The following VPS37B variants were observed in gnomAD, a reference collection of about 807,000 sequenced individuals.
The protein encoded by VPS37B is vacuolar protein sorting-associated protein 37B.
VPS37B carries 11 observed loss-of-function variants against 21.2 expected under a neutral mutation model. The ratio of observed to expected loss-of-function variants is 0.52; its 90% confidence interval spans 0.33 to 0.86. VPS37B has a LOEUF of 0.86. VPS37B is among the 40% of genes least tolerant of loss of function. The pLI is 0.03. For synonymous variants in VPS37B, 175 were observed against 159.6 expected (o/e 1.10, Z -0.73); for missense variants, 389 against 374.8 (o/e 1.04, Z -0.31).
At position 122,867,494 on chromosome 12, in the gene VPS37B, C is replaced by G; in HGVS notation, c.480G>C (p.Gln160His). ...HMRRVKIEKL[Q>H]EMVLKGQRLP... ...GTCTCTGCCCCTTTAGGACCATCTC[C>G]TGGAGCTTCTCGATTTTCACCCGTC... The change falls in exon 4 of 4, where the codon CAG (glutamine) becomes CAC (histidine). Residue 160 changes from glutamine (Q) to histidine (H), a missense_variant. Coordinates refer to ENST00000267202, the MANE Select transcript of VPS37B (RefSeq NM_024667.3). This position sits in a 1 kb window ranked among gnomAD's most constrained non-coding sequence, Gnocchi z 5.5. The G allele has an allele frequency of 6.2e-7, 1 of 1,614,080 alleles. No individual in the cohort carries two copies. Among genetic ancestry groups the G allele is most frequent in the Admixed American group, 1.7e-5 (1 of 60,030 alleles).
chr12:122,877,903 CTTGT>C (rs923268776), intron 1 of VPS37B: 1 of 151,672 alleles, frequency 6.6e-6, no homozygotes, highest in African/African-American at 2.4e-5. Flanking sequence ...TTCTTCTGTG[CTTGT>C]TTGTTCATCT....
chr12:122,895,531 C>T (rs1252441155), intron 1 of VPS37B, among the ~76,000 whole-genome samples: 1 of 151,918 alleles, frequency 6.6e-6, no homozygotes, highest in African/African-American at 2.4e-5. Flanking sequence ...CAGTTCCGTC[C>T]TCTTCCGCCT....
intron 1 of VPS37B, among the ~76,000 whole-genome samples, chr12:122,893,560 A>G (rs372445240): frequency 1.1e-4 from 16 of 152,310 alleles, no homozygotes; most frequent in African/African-American, 3.4e-4. Flanking sequence ...TGAAACTACC[A>G]TGACCAAAAA....
At chr12:122,881,207 T>C (rs555115347) in intron 1 of VPS37B, 1 of 152,338 alleles carries the variant, frequency 6.6e-6, no homozygotes, top group Admixed American at 6.5e-5. Flanking sequence ...TTCTATCCTC[T>C]GTGACAGTGA....
Position 122,867,626 on chromosome 12 carries a change from T to TG in VPS37B, c.367-20dup, listed in dbSNP as rs769834405. ...CCATGTTCTGAAAGAGGCAGAAACC[T>TG]GGTTACAGGGACAGCCAGATGGGGA... On this transcript the variant is annotated intron_variant, in intron 3 of 3. Transcript: ENST00000267202. This position sits in a 1 kb window ranked among gnomAD's most constrained non-coding sequence, Gnocchi z 5.5. 3 of 1,610,480 alleles carry TG rather than the reference T, an allele frequency of 1.9e-6. No individual in the cohort carries two copies. The South Asian group carries it at 3.3e-5, about 18-fold the overall frequency.
Position 122,867,350 on chromosome 12 carries a change from G to T in VPS37B, c.624C>A (p.Pro208=). 1 of 1,598,854 alleles carries T rather than the reference G, an allele frequency of 6.3e-7. No homozygotes were observed. Among genetic ancestry groups the T allele is most frequent in the Non-Finnish European group, 8.5e-7 (1 of 1,173,692 alleles). ...GPPAVAPRRI[P]PPPPPVPAGR... ...CCGCAGGCACCGGGGGTGGTGGGGG[G>T]GGGATGCGCCGAGGTGCAACGGCAG... The change falls in exon 4 of 4, where the codon CCC becomes CCA. Residue 208 remains proline (P), a synonymous_variant. Coordinates refer to ENST00000267202, the MANE Select transcript of VPS37B (RefSeq NM_024667.3). The surrounding 1 kb of genome is among the most constrained non-coding windows in gnomAD (Gnocchi z 5.5).
intron 1 of VPS37B, chr12:122,886,460 G>C (rs988582331): frequency 1.3e-5 from 2 of 152,154 alleles, no homozygotes; most frequent in Non-Finnish European, 2.9e-5. Context: ...ATCTACACTA[G>C]AAATCAAAAA....
At chr12:122,869,350 C>A (rs2033975827) in intron 2 of VPS37B, among the ~76,000 whole-genome samples, 1 of 152,246 alleles carries the variant, frequency 6.6e-6, no homozygotes, top group Non-Finnish European at 1.5e-5. Context: ...CTAGCAGGTG[C>A]TACCCAACAG....
chr12:122,868,065 G>A lies in VPS37B; in HGVS notation c.366+415C>T, dbSNP rs1261542281. On this transcript the variant is annotated intron_variant, in intron 3 of 3. Coordinates refer to ENST00000267202, the MANE Select transcript of VPS37B (RefSeq NM_024667.3). This position sits in a 1 kb window ranked among gnomAD's most constrained non-coding sequence, Gnocchi z 5.5. ...GGCAAGACCCTGCCGGCCCCAGCCT[G>A]CAACAACTGCACAACATTCGACCTT... Among the ~76,000 whole-genome samples, 1 of 152,222 alleles carries A rather than the reference G, an allele frequency of 6.6e-6. No individual in the cohort carries two copies. The highest frequency in any genetic ancestry group is 1.5e-5 in the Non-Finnish European group (1 of 68,028).
chr12:122,870,744 A>G, intron 2 of VPS37B, 146 bp downstream of exon 2: 1 of 786,646 alleles, frequency 1.3e-6, no homozygotes, highest in Non-Finnish European at 2.0e-6. Context: ...AATAAATAAT[A>G]TACATAAGCT....
chr12:122,867,685 G>A lies in VPS37B; in HGVS notation c.367-78C>T. Reference sequence around the variant, plus strand: ...CCTTCGTGGTCTAGGCACAAGGAGAGGCAACGCCCAGCTGCTTCCAACACT... The same window carrying A: ...CCTTCGTGGTCTAGGCACAAGGAGAAGCAACGCCCAGCTGCTTCCAACACT... On this transcript the variant is annotated intron_variant, in intron 3 of 3. Transcript: ENST00000267202. The surrounding 1 kb of genome is among the most constrained non-coding windows in gnomAD (Gnocchi z 5.5). The A allele has an allele frequency of 6.3e-7, 1 of 1,586,694 alleles. No homozygotes were observed. Among genetic ancestry groups the A allele is most frequent in the Admixed American group, 1.7e-5 (1 of 58,902 alleles).
At chr12:122,870,761 T>A (rs566349710) in intron 2 of VPS37B, 129 bp downstream of exon 2, 1 of 891,578 alleles carries the variant, frequency 1.1e-6, no homozygotes, top group East Asian at 2.5e-5. Flanking sequence ...AGCTATTTGT[T>A]CATTGCAGTA....
chr12:122,875,764 G>A (rs1413672858), intron 1 of VPS37B: 3 of 150,536 alleles, frequency 2.0e-5, no homozygotes, highest in Non-Finnish European at 1.5e-5. Context: ...CTCTCCGACT[G>A]ATTCCAGCCT....
chr12:122,895,215 T>TA (rs2034473125), intron 1 of VPS37B, among the ~76,000 whole-genome samples: 1 of 151,930 alleles, frequency 6.6e-6, no homozygotes, highest in Non-Finnish European at 1.5e-5. Context: ...GCCCAACCCT[T>TA]AAAGAGCCTC....
Position 122,868,396 on chromosome 12 carries a change from G to T in VPS37B, c.366+84C>A. ...AGGCACCACTCCTGGCCGTGGCGGT[G>T]TGGCACTCACGGTCCCTGGAGGCAG... On this transcript the variant is annotated intron_variant, in intron 3 of 3. Coordinates refer to ENST00000267202, the MANE Select transcript of VPS37B (RefSeq NM_024667.3). This position sits in a 1 kb window ranked among gnomAD's most constrained non-coding sequence, Gnocchi z 5.5. 7.8e-7 allele frequency: 1 copy of T among 1,287,976 alleles called. No individual in the cohort carries two copies. Among genetic ancestry groups the T allele is most frequent in the Non-Finnish European group, 1.1e-6 (1 of 904,738 alleles). The allele number at this position is 1,287,976 out of a possible 1,614,324, so 79.8% of individuals were successfully genotyped here. A position where few individuals can be genotyped will look rare whatever the true frequency, so the allele number is the denominator to read the frequency against.
At chr12:122,869,202 T>C (rs540535329) in intron 2 of VPS37B, among the ~76,000 whole-genome samples, 1 of 152,374 alleles carries the variant, frequency 6.6e-6, no homozygotes, top group African/African-American at 2.4e-5. Context: ...CGGACATTTT[T>C]ATTGTTTCCA....
At chr12:122,871,273 AC>A in intron 1 of VPS37B, 2 of 1,332,486 alleles carry the variant, frequency 1.5e-6, no homozygotes, top group Non-Finnish European at 1.9e-6. Flanking sequence ...AATGAGGCCG[AC>A]TTCCTTCCAG....
At chr12:122,882,865 G>A (rs2034266609) in intron 1 of VPS37B, 1 of 152,204 alleles carries the variant, frequency 6.6e-6, no homozygotes, top group Admixed American at 6.5e-5. Flanking sequence ...TGTAACCCAA[G>A]CCTACGATGG....
intron 1 of VPS37B, chr12:122,888,387 T>C: frequency 2.8e-6 from 1 of 356,364 alleles, no homozygotes; most frequent in Non-Finnish European, 5.7e-6. Flanking sequence ...TTTCCAATGA[T>C]GAAATCTGAA....
Sources: allele counts gnomAD v4.1 joint callset (sites outside exome capture counted in the v4.1 genomes callset), GRCh38; gene constraint gnomAD v4.1.1; non-coding constraint Gnocchi (gnomAD v3.1); transcripts MANE v1.5; gene names NCBI Gene and HGNC (gene_info 2026-07-23, HGNC 2026-07-21).